The following RIOX2 variants were observed in gnomAD, a reference collection of about 807,000 sequenced individuals.
The protein encoded by RIOX2 is 60S ribosomal protein L27a histidine hydroxylase.
A neutral mutation model predicts 51.2 loss-of-function variants in RIOX2; 43 were observed. The observed-to-expected ratio is 0.84, with a 90% confidence interval of 0.66 to 1.08. The LOEUF is 1.08. RIOX2 is among the 50% of genes least tolerant of loss of function. RIOX2 has a pLI of 0.00. For synonymous variants in RIOX2, 226 were observed against 218.5 expected (o/e 1.03, Z -0.30); for missense variants, 566 against 561.7 (o/e 1.01, Z -0.08).
At chr3:97,967,033 G>T in intron 2 of RIOX2, 129 bp downstream of exon 2, 1 of 935,372 alleles carries the variant, frequency 1.1e-6, no homozygotes, top group Non-Finnish European at 1.6e-6. Flanking sequence ...GACCAAAGAG[G>T]TGCTACCCCT....
At chr3:97,953,189 G>A (rs1438793431) in intron 5 of RIOX2, among the ~76,000 whole-genome samples, 1 of 152,052 alleles carries the variant, frequency 6.6e-6, no homozygotes, top group East Asian at 1.9e-4. Flanking sequence ...CCCCTACTTA[G>A]CTAAATGCAT....
intron 2 of RIOX2, among the ~76,000 whole-genome samples, chr3:97,964,251 C>G (rs1368570967): frequency 3.3e-5 from 5 of 152,120 alleles, no homozygotes; most frequent in Non-Finnish European, 7.4e-5. Flanking sequence ...AAGGCAAAAG[C>G]AAACATATAA....
intron 4 of RIOX2, among the ~76,000 whole-genome samples, chr3:97,957,855 C>G (rs899252820): frequency 1.3e-5 from 2 of 152,118 alleles, no homozygotes; most frequent in Non-Finnish European, 1.5e-5. Flanking sequence ...AAAGACAGTA[C>G]GTATTTTTGG....
chr3:97,958,982 A>G, intron 4 of RIOX2, 69 bp downstream of exon 4: 3 of 1,491,914 alleles, frequency 2.0e-6, no homozygotes, highest in Admixed American at 4.2e-5. Context: ...TTGAGCCTGA[A>G]CTTGTCTTAG....
In RIOX2 at chr3:97,942,184, C is replaced by A; in HGVS notation, c.*3000G>T. ...TTTTTTTAGATAAGACACACACACA[C>A]TTCATGTCTATGACTTGTTTACCTA... is the stretch of plus-strand genomic sequence containing the variant. On this transcript the variant is annotated 3_prime_UTR_variant, in exon 10 of 10. Transcript: ENST00000394198. 9.7e-7 allele frequency: 1 copy of A among 1,027,020 alleles called. No homozygotes were observed. Among genetic ancestry groups the A allele is most frequent in the Non-Finnish European group, 1.4e-6 (1 of 716,734 alleles). The allele number at this position is 1,027,020 out of a possible 1,614,324, so 63.6% of individuals were successfully genotyped here. A position where few individuals can be genotyped will look rare whatever the true frequency, so the allele number is the denominator to read the frequency against.
chr3:97,970,043 T>C (rs748737363), intron 1 of RIOX2, among the ~76,000 whole-genome samples: 1 of 152,170 alleles, frequency 6.6e-6, no homozygotes, highest in Non-Finnish European at 1.5e-5. Flanking sequence ...TCTCTCACAA[T>C]TGGTCAGTTT....
intron 7 of RIOX2, among the ~76,000 whole-genome samples, chr3:97,949,439 T>TA (rs1228669204): frequency 2.0e-5 from 3 of 152,158 alleles, no homozygotes; most frequent in Non-Finnish European, 4.4e-5. Context: ...CTTTTCTATA[T>TA]AAATTACCCA....
At chr3:97,947,797 C>G (rs1426804440) in intron 7 of RIOX2, among the ~76,000 whole-genome samples, 4 of 152,196 alleles carry the variant, frequency 2.6e-5, no homozygotes, top group South Asian at 2.1e-4. Flanking sequence ...GTTCTGTCCT[C>G]TACAAGCTTC....
intron 5 of RIOX2, 21 bp from the exon 6 acceptor site, chr3:97,950,909 G>A (rs1705220970): frequency 1.6e-5 from 24 of 1,510,736 alleles, no homozygotes; most frequent in South Asian, 7.0e-5. Context: ...CACCAAGGGG[G>A]AAAAAAAAAC....
At chr3:97,952,533 G>A (rs1705290757) in intron 5 of RIOX2, among the ~76,000 whole-genome samples, 12 of 152,168 alleles carry the variant, frequency 7.9e-5, no homozygotes, top group Admixed American at 7.9e-4. Context: ...GTAAACAGAA[G>A]CTGAAGAAGG....
chr3:97,961,578 C>T lies in RIOX2; in HGVS notation c.552+11G>A, dbSNP rs41272339. The T allele has an allele frequency of 0.02, 31,120 of 1,587,620 alleles. 415 individuals carry two copies. The highest frequency in any genetic ancestry group is 0.03 in the Middle Eastern group (176 of 5,910). On this transcript the variant is annotated intron_variant, in intron 3 of 9. Coordinates refer to ENST00000394198, the MANE Select transcript of RIOX2 (RefSeq NM_153182.4). The stretch of plus-strand genomic sequence containing the variant: ...TCTTCCCAACATGGGGCAATTTTCT[C>T]CATCTCTTACCTCGACATCATCATA...
At chr3:97,946,602 A>ATATATATATATATATATATATATATATC (rs1028298878) in intron 8 of RIOX2, among the ~76,000 whole-genome samples, 1 of 137,336 alleles carries the variant, frequency 7.3e-6, no homozygotes, top group African/African-American at 2.7e-5. Context: ...ATATATATAT[A>ATATATATATATATATATATATATATATC]TATATCTATT....
rs768686612 is a variant in RIOX2 at position 97,943,990 on chromosome 3, A to C, written c.*1194T>G. On this transcript the variant is annotated 3_prime_UTR_variant, in exon 10 of 10. Transcript: ENST00000394198. The stretch of plus-strand genomic sequence containing the variant: ...CTAAAAAAGTACAAATAAATAACCT[A>C]TGGCCAAACTTGCACTGTTACGTGT... 9 of 151,918 alleles carry C rather than the reference A, an allele frequency of 5.9e-5. 1 individual carries two copies. Among genetic ancestry groups the C allele is most frequent in the African/African-American group, 2.2e-4 (9 of 41,396 alleles). 9.4% of individuals were successfully genotyped at this position (151,918 alleles called of 1,614,324 possible).
chr3:97,969,534 T>G (rs1317880209), intron 1 of RIOX2, among the ~76,000 whole-genome samples: 1 of 152,208 alleles, frequency 6.6e-6, no homozygotes, highest in Non-Finnish European at 1.5e-5. Context: ...TCCACCACCA[T>G]TAACTGATAG....
Position 97,945,037 on chromosome 3 carries a change from A to T in RIOX2, c.*147T>A, listed in dbSNP as rs1307941921. The T allele has an allele frequency of 3.2e-6, 2 of 616,382 alleles. No individual in the cohort carries two copies. The highest frequency in any genetic ancestry group is 6.1e-5 in the Admixed American group (2 of 32,806). 38.2% of individuals were successfully genotyped at this position (616,382 alleles called of 1,614,324 possible). A position where few individuals can be genotyped will look rare whatever the true frequency, so the allele number is the denominator to read the frequency against. ...CATGTGCCCGTTAGTACATTTGGCC[A>T]ACTGACCACCTGTAACAGGGAGGTC... On this transcript the variant is annotated 3_prime_UTR_variant, in exon 10 of 10. Transcript: ENST00000394198.
chr3:97,957,862 T>G (rs1029442733), intron 4 of RIOX2, among the ~76,000 whole-genome samples: 5 of 152,196 alleles, frequency 3.3e-5, no homozygotes, highest in Non-Finnish European at 7.3e-5. Context: ...GTACGTATTT[T>G]TGGTTTGCGG....
At chr3:97,967,692 G>A in intron 1 of RIOX2, 60 bp from the exon 2 acceptor site, 1 of 1,216,846 alleles carries the variant, frequency 8.2e-7, no homozygotes, top group Non-Finnish European at 1.1e-6. Flanking sequence ...ATTGGTGTTA[G>A]TGGATCGCGC....
chr3:97,959,232 A>G, intron 3 of RIOX2, 53 bp from the exon 4 acceptor site: 2 of 1,575,324 alleles, frequency 1.3e-6, no homozygotes, highest in Non-Finnish European at 1.7e-6. Flanking sequence ...CAACTCACAC[A>G]CAAAGTGCTT....
In RIOX2 at chr3:97,943,464, G is replaced by A. The variant is rs1200932728; in HGVS notation, c.*1720C>T. ...ATTTTCTCCAGCCTCTGAGACTATCGCTCTTAACCATGGAAAAGCTCAAAA... is the reference window on the plus strand; with the variant it reads ...ATTTTCTCCAGCCTCTGAGACTATCACTCTTAACCATGGAAAAGCTCAAAA... On this transcript the variant is annotated 3_prime_UTR_variant, in exon 10 of 10. Coordinates refer to ENST00000394198, the MANE Select transcript of RIOX2 (RefSeq NM_153182.4). The A allele has an allele frequency of 2.7e-5, 16 of 599,104 alleles. No homozygotes were observed. The highest frequency in any genetic ancestry group is 1.3e-4 in the East Asian group (4 of 31,204). The allele number at this position is 599,104 out of a possible 1,614,324, so 37.1% of individuals were successfully genotyped here.
Sources: allele counts gnomAD v4.1 joint callset (sites outside exome capture counted in the v4.1 genomes callset), GRCh38; gene constraint gnomAD v4.1.1; transcripts MANE v1.5; gene names NCBI Gene and HGNC (gene_info 2026-07-23, HGNC 2026-07-21).